The following DPT variants were observed in gnomAD, a reference collection of about 807,000 sequenced individuals.
The protein encoded by DPT is dermatopontin.
In DPT, 21 loss-of-function variants were observed where a neutral mutation model predicts 31.2. That is an observed-to-expected ratio of 0.67 (90% CI 0.48 to 0.97). The LOEUF is 0.97. Ranked by LOEUF, DPT falls within the 50% of genes least tolerant of loss-of-function variation. The probability of loss-of-function intolerance (pLI) is 0.00; values close to 1 mark genes in which losing one functional copy is unlikely to be tolerated. For missense variants in DPT, 262 were observed against 258.8 expected, an observed-to-expected ratio of 1.01 and a Z score of -0.08; for synonymous variants, 91 against 86.9, an observed-to-expected ratio of 1.05 and a Z score of -0.26.
intron 2 of DPT, among the ~76,000 whole-genome samples, chr1:168,711,039 C>T (rs921284169): frequency 1.3e-5 from 2 of 149,610 alleles, no homozygotes; most frequent in African/African-American, 2.5e-5. Context: ...GAGTCAGAGT[C>T]TTGCTCTGTC....
intron 1 of DPT, among the ~76,000 whole-genome samples, chr1:168,724,508 T>A (rs1314515927): frequency 6.6e-6 from 1 of 152,134 alleles, no homozygotes; most frequent in African/African-American, 2.4e-5. Flanking sequence ...AGCCCCTGTG[T>A]TCATGAAGCT....
chr1:168,714,237 A>G lies in DPT; in HGVS notation c.415T>C (p.Cys139Arg). ...QFYCCRYSKR[C>R]PYSCWLTTEY... ...CAGACTCACCAGCAGGAATATGGGCACCTCTTGCTGTAGCGACAACAGTAA... is the reference window on the plus strand; with the variant it reads ...CAGACTCACCAGCAGGAATATGGGCGCCTCTTGCTGTAGCGACAACAGTAA... Residue 139 changes from cysteine to arginine, a missense_variant, in exon 2 of 4, where the codon TGC becomes CGC. Physicochemically the swap from Cys to Arg is radical, Grantham distance 180. Transcript: ENST00000367817. The G allele has an allele frequency of 6.2e-7, 1 of 1,613,844 alleles. No homozygotes were observed. Among genetic ancestry groups the G allele is most frequent in the South Asian group, 1.1e-5 (1 of 91,054 alleles).
intron 2 of DPT, among the ~76,000 whole-genome samples, chr1:168,705,875 G>C (rs1649708160): frequency 6.6e-6 from 1 of 152,192 alleles, no homozygotes; most frequent in African/African-American, 2.4e-5. Flanking sequence ...AGTCACATGA[G>C]AGCTGATGGT....
chr1:168,723,156 G>T (rs1165122159), intron 1 of DPT, among the ~76,000 whole-genome samples: 1 of 152,204 alleles, frequency 6.6e-6, no homozygotes, highest in African/African-American at 2.4e-5. Flanking sequence ...TCATCCTTAG[G>T]TGGATTTGAT....
chr1:168,705,525 C>T (rs1302589981), intron 2 of DPT, among the ~76,000 whole-genome samples: 3 of 152,148 alleles, frequency 2.0e-5, no homozygotes, highest in Non-Finnish European at 4.4e-5. Flanking sequence ...GAACGGGTAC[C>T]TGAGGAAGCC....
chr1:168,700,725 C>T (rs1649574852), intron 3 of DPT, among the ~76,000 whole-genome samples: 1 of 152,174 alleles, frequency 6.6e-6, no homozygotes, highest in Admixed American at 6.5e-5. Flanking sequence ...GTGAGCAGCT[C>T]CATGAGGTGA....
chr1:168,724,751 G>C (rs1650199316), intron 1 of DPT, among the ~76,000 whole-genome samples: 1 of 152,116 alleles, frequency 6.6e-6, no homozygotes, highest in Non-Finnish European at 1.5e-5. Flanking sequence ...CTTAGATTAG[G>C]GAAATAGTCC....
At chr1:168,711,173 G>T (rs1347815435) in intron 2 of DPT, among the ~76,000 whole-genome samples, 1 of 89,164 alleles carries the variant, frequency 1.1e-5, no homozygotes, top group East Asian at 2.5e-4. Flanking sequence ...ACCAAGCCTG[G>T]CTAATTTTTT....
In DPT at chr1:168,696,270, C is replaced by T. The variant is rs115672169; in HGVS notation, c.*279G>A. The stretch of plus-strand genomic sequence containing the variant: ...CTCCAGAAGCCCGGCTGTAAGCATG[C>T]GCACTGTATATGTGGTGTGCAAGGA... On this transcript the variant is annotated 3_prime_UTR_variant, in exon 4 of 4. Transcript: ENST00000367817. 1,008 of 460,110 alleles carry T rather than the reference C, an allele frequency of 2.2e-3. 3 individuals are homozygous for T. Among genetic ancestry groups the T allele is most frequent in the Middle Eastern group, 0.016 (30 of 1,846 alleles). The allele number at this position is 460,110 out of a possible 1,614,324, so 28.5% of individuals were successfully genotyped here.
chr1:168,718,479 C>T (rs1650034160), intron 1 of DPT, among the ~76,000 whole-genome samples: 1 of 152,238 alleles, frequency 6.6e-6, no homozygotes, highest in South Asian at 2.1e-4. Flanking sequence ...TAACCCTCCT[C>T]CTCCGGCTTT....
chr1:168,712,740 C>G (rs918767447), intron 2 of DPT, among the ~76,000 whole-genome samples: 1 of 152,156 alleles, frequency 6.6e-6, no homozygotes, highest in African/African-American at 2.4e-5. Context: ...TAGGGTTCAA[C>G]ACAACCTGAA....
chr1:168,726,680 TAGAA>T (rs1235395470), intron 1 of DPT, among the ~76,000 whole-genome samples: 4 of 152,120 alleles, frequency 2.6e-5, no homozygotes, highest in Admixed American at 2.6e-4. Flanking sequence ...AAACGGCTGT[TAGAA>T]AGGAGTCGCA....
At position 168,696,249 on chromosome 1, in the gene DPT, A is replaced by G; in HGVS notation, c.*300T>C. 2 of 433,552 alleles carry G rather than the reference A, an allele frequency of 4.6e-6. No individual in the cohort carries two copies. The highest frequency in any genetic ancestry group is 8.1e-6 in the Non-Finnish European group (2 of 247,350). The allele number at this position is 433,552 out of a possible 1,614,324, so 26.9% of individuals were successfully genotyped here. On this transcript the variant is annotated 3_prime_UTR_variant, in exon 4 of 4. Transcript: ENST00000367817. ...GTAGCCAGGCTGCAGCTGGTGCTCC[A>G]GAAGCCCGGCTGTAAGCATGCGCAC...
At chr1:168,711,902 G>C (rs1002006250) in intron 2 of DPT, among the ~76,000 whole-genome samples, 1 of 152,150 alleles carries the variant, frequency 6.6e-6, no homozygotes, top group African/African-American at 2.4e-5. Flanking sequence ...TATAGGGCTT[G>C]GCATATGTCA....
chr1:168,713,530 G>A (rs1474447475), intron 2 of DPT, among the ~76,000 whole-genome samples: 2 of 152,102 alleles, frequency 1.3e-5, no homozygotes, highest in African/African-American at 4.8e-5. Flanking sequence ...CTCATTTTCA[G>A]ATTAAAAAAA....
At chr1:168,717,869 T>G (rs944079022) in intron 1 of DPT, among the ~76,000 whole-genome samples, 4 of 152,202 alleles carry the variant, frequency 2.6e-5, no homozygotes, top group African/African-American at 9.7e-5. Flanking sequence ...CAGCAAGCTA[T>G]ATGAGTGGAA....
rs777100230 is a variant in DPT at position 168,701,061 on chromosome 1, A to G, written c.495T>C (p.Asp165=). 37 of 1,613,860 alleles carry G rather than the reference A, an allele frequency of 2.3e-5. No homozygotes were observed. Among genetic ancestry groups the G allele is most frequent in the Non-Finnish European group, 2.9e-5 (34 of 1,179,958 alleles). ...TGGTTGTTGCTCCTCGGATATAGTA[A>G]TCATAATTGTAGGAAATCATGTCCA... ...EEMDMISYNY[D]YYIRGATTTF... is the part of the protein sequence containing the mutation. Residue 165 remains aspartate, a synonymous_variant, in exon 3 of 4, where the codon GAT becomes GAC. Coordinates refer to ENST00000367817, the MANE Select transcript of DPT (RefSeq NM_001937.5).
chr1:168,704,849 G>A (rs114581791), intron 2 of DPT, among the ~76,000 whole-genome samples: 117 of 152,282 alleles, frequency 7.7e-4, no homozygotes, highest in Middle Eastern at 3.4e-3. Context: ...ATTGATATAG[G>A]ATTTTTCTCA....
intron 1 of DPT, among the ~76,000 whole-genome samples, chr1:168,725,215 A>ATTCCT (rs746132155): frequency 0.039 from 4,296 of 110,720 alleles, 281 homozygotes; most frequent in East Asian, 0.088. Context: ...TTTCCTTTCC[A>ATTCCT]TTCCTTTCCT....
Sources: gnomAD v4.1 joint callset for allele counts (sites outside exome capture counted in the v4.1 genomes callset) on GRCh38, gnomAD v4.1.1 for gene constraint, MANE v1.5 for transcripts, NCBI Gene and HGNC (gene_info 2026-07-23, HGNC 2026-07-21) for gene names.